MRTFB: variants seen among roughly 807,000 people sequenced by gnomAD.
MRTFB encodes the protein myocardin related transcription factor B, also known as myocardin-related transcription factor B.
In MRTFB, 29 loss-of-function variants were observed where a neutral mutation model predicts 104.2. The ratio of observed to expected loss-of-function variants is 0.28; its 90% CI spans 0.21 to 0.38. MRTFB has a LOEUF of 0.38. Ranked by LOEUF, MRTFB falls within the 10% of genes least tolerant of loss-of-function variation. The pLI, the probability that MRTFB is intolerant of heterozygous loss-of-function variation, is 1.00. For synonymous variants in MRTFB, 535 were observed against 519.5 expected, an observed-to-expected ratio of 1.03 and a Z score of -0.41; for missense variants, 1,270 against 1,341.6, an observed-to-expected ratio of 0.95 and a Z score of 0.83.
chr16:14,135,428 A>G (rs536685652), intron 2 of MRTFB, among the ~76,000 whole-genome samples: 3 of 152,222 alleles, frequency 2.0e-5, no homozygotes, highest in Non-Finnish European at 4.4e-5. Flanking sequence ...TAACAGATGC[A>G]GCATTCAGCA....
chr16:14,005,777 TC>T, the MRTFB span, among the ~76,000 whole-genome samples: 1 of 152,144 alleles, frequency 6.6e-6, no homozygotes, highest in Admixed American at 6.6e-5. Context: ...CTTAGGCCAG[TC>T]CCCCAATTCA....
intron 3 of MRTFB, among the ~76,000 whole-genome samples, chr16:14,185,400 T>G (rs2039918281): frequency 6.6e-6 from 1 of 152,346 alleles, no homozygotes; most frequent in East Asian, 1.9e-4. Context: ...ATGTAAGCCT[T>G]TATCCCAGAG....
At chr16:14,240,195 G>T in intron 9 of MRTFB, 42 bp from the exon 10 acceptor site, 1 of 1,540,216 alleles carries the variant, frequency 6.5e-7, no homozygotes, top group Non-Finnish European at 8.7e-7. Context: ...ATTTTATGTG[G>T]TGACATCTCT....
chr16:14,107,333 CTCACGCCTAGAATCTCTCTCCCAT>C (rs893503819), intron 2 of MRTFB, among the ~76,000 whole-genome samples: 16 of 152,192 alleles, frequency 1.1e-4, no homozygotes, highest in Non-Finnish European at 2.1e-4. Context: ...GATTCTGGGG[CTCACGCCTAGAATCTCTCTCCCAT>C]TCACGCCTAG....
chr16:14,002,980 A>ATACC, the MRTFB span, among the ~76,000 whole-genome samples: 1 of 152,172 alleles, frequency 6.6e-6, no homozygotes, highest in Non-Finnish European at 1.5e-5. Flanking sequence ...AGATGTTGGT[A>ATACC]GACTTAGGAG....
intron 16 of MRTFB, among the ~76,000 whole-genome samples, chr16:14,259,483 C>T (rs1475276624): frequency 6.6e-6 from 1 of 151,240 alleles, no homozygotes; most frequent in African/African-American, 2.4e-5. Context: ...TTACTTGTGA[C>T]ACCGTGCCTT....
the MRTFB span, among the ~76,000 whole-genome samples, chr16:14,057,282 T>C: frequency 1.3e-5 from 2 of 152,166 alleles, no homozygotes; most frequent in Admixed American, 1.3e-4. Flanking sequence ...AAAAATTGTG[T>C]GTGTGCCTGT....
intron 2 of MRTFB, among the ~76,000 whole-genome samples, chr16:14,120,494 T>C (rs576334124): frequency 2.6e-5 from 4 of 152,352 alleles, no homozygotes; most frequent in Admixed American, 6.5e-5. Flanking sequence ...GAGAAAATTT[T>C]CCACGTGAGT....
At chr16:14,101,305 T>G (rs1297304774) in intron 2 of MRTFB, among the ~76,000 whole-genome samples, 1 of 152,130 alleles carries the variant, frequency 6.6e-6, no homozygotes, top group African/African-American at 2.4e-5. Flanking sequence ...ATAACTATGG[T>G]AGAAGCAAGT....
intron 2 of MRTFB, among the ~76,000 whole-genome samples, chr16:14,137,764 C>A (rs1380576443): frequency 6.6e-6 from 1 of 152,028 alleles, no homozygotes; most frequent in Non-Finnish European, 1.5e-5. Context: ...TTTTTCTATC[C>A]ATTTTCCACC....
At chr16:14,141,505 C>T (rs1282990031) in intron 3 of MRTFB, 1 of 152,160 alleles carries the variant, frequency 6.6e-6, no homozygotes, top group East Asian at 1.9e-4. Flanking sequence ...TCTGGAATTA[C>T]TATACCTTCC....
At chr16:14,045,364 G>A in the MRTFB span, among the ~76,000 whole-genome samples, 9 of 152,112 alleles carry the variant, frequency 5.9e-5, no homozygotes, top group Non-Finnish European at 1.0e-4. Context: ...ACAGCTGACC[G>A]CTTCTTGCCT....
Position 14,218,833 on chromosome 16 carries a change from G to T in MRTFB, c.528G>T (p.Glu176Asp). The T allele has an allele frequency of 6.2e-7, 1 of 1,601,270 alleles. No homozygotes were observed. Among genetic ancestry groups the T allele is most frequent in the Non-Finnish European group, 8.5e-7 (1 of 1,172,776 alleles). The change falls in exon 8 of 17, where the codon GAG becomes GAT. Residue 176 changes from glutamate (E) to aspartate (D), a missense_variant. Around this residue, in one of 3 missense-constraint regions of MRTFB, gnomAD observed 1,144 missense variants for 1,131.5 expected, o/e 1.01. Transcript: ENST00000571589. Reference protein sequence around the residue: ...VKEAIIGVGKEDYPHTQGDFS... With the variant: ...VKEAIIGVGKDDYPHTQGDFS... ...TTCTTTCTTTAGGCGTTGGGAAGGA[G>T]GACTATCCCCACACTCAGGGCGATT...
intron 9 of MRTFB, among the ~76,000 whole-genome samples, chr16:14,237,760 C>T (rs1326778154): frequency 2.0e-5 from 3 of 152,018 alleles, no homozygotes; most frequent in Non-Finnish European, 4.4e-5. Context: ...TGCAGGCAGG[C>T]ACTCAGCTCT....
chr16:14,040,829 T>A, the MRTFB span, among the ~76,000 whole-genome samples: 1 of 152,120 alleles, frequency 6.6e-6, no homozygotes, highest in African/African-American at 2.4e-5. Context: ...AAATGGTATC[T>A]CTGGCTGGGC....
chr16:13,998,526 G>A, the MRTFB span, among the ~76,000 whole-genome samples: 1 of 151,988 alleles, frequency 6.6e-6, no homozygotes, highest in Non-Finnish European at 1.5e-5. Flanking sequence ...CACACCTGTA[G>A]TTCCAGCTAC....
chr16:14,231,502 T>G (rs560610032), intron 8 of MRTFB, among the ~76,000 whole-genome samples: 1 of 150,166 alleles, frequency 6.7e-6, no homozygotes, highest in South Asian at 2.1e-4. Context: ...AGCCCAATAC[T>G]CAATAGTTAT....
chr16:14,115,858 G>C (rs944224915), intron 2 of MRTFB, among the ~76,000 whole-genome samples: 1 of 152,146 alleles, frequency 6.6e-6, no homozygotes, highest in African/African-American at 2.4e-5. Flanking sequence ...TGATTCTACT[G>C]TCTGAGTCTC....
the MRTFB span, among the ~76,000 whole-genome samples, chr16:14,022,443 C>A: frequency 6.6e-6 from 1 of 152,132 alleles, no homozygotes; most frequent in African/African-American, 2.4e-5. Flanking sequence ...TGTCACCAGG[C>A]TAGAGTACAG....
Sources: gnomAD v4.1 joint callset for allele counts (sites outside exome capture counted in the v4.1 genomes callset) on GRCh38, gnomAD v4.1.1 for gene constraint, gnomAD v4.1.1 regional missense constraint, MANE v1.5 for transcripts, NCBI Gene and HGNC (gene_info 2026-07-23, HGNC 2026-07-21) for gene names.